Variants in DST observed in about 807,000 individuals in gnomAD.
DST encodes dystonin, also known as bullous pemphigoid antigen.
A neutral mutation model predicts 875.2 loss-of-function variants in DST; 253 were observed. The observed-to-expected ratio is 0.29, with a 90% CI of 0.26 to 0.32. The LOEUF is 0.32. DST is among the 10% of genes least tolerant of loss of function. DST has a pLI of 1.00. For missense variants in DST, 8,287 were observed against 9,111.6 expected, an observed-to-expected ratio of 0.91 and a Z score of 3.68; for synonymous variants, 3,124 against 3,197.1, an observed-to-expected ratio of 0.98 and a Z score of 0.77.
chr6:56,460,494 G>C (rs763648950), intron 102 of DST: 160 of 388,778 alleles, frequency 4.1e-4, no homozygotes, highest in Non-Finnish European at 6.7e-4. Context: ...TGGTTGAAGA[G>C]AAAACAAAAT....
intron 90 of DST, among the ~76,000 whole-genome samples, chr6:56,478,591 A>C (rs769566029): frequency 2.0e-5 from 3 of 152,214 alleles, no homozygotes; most frequent in Non-Finnish European, 4.4e-5. Flanking sequence ...GAACTCTGAA[A>C]ATGTGATTAC....
rs747511386 is a variant in DST at position 56,607,675 on chromosome 6, T to G, written c.6953A>C (p.Gln2318Pro). The change falls in exon 40 of 104, where the codon CAG becomes CCG. Residue 2318 changes from glutamine to proline, a missense_variant. By Grantham distance (76) the Gln-to-Pro change is moderately conservative (BLOSUM62 -1). Transcript: ENST00000680361. ...RNTVINSEFS[Q>P]SGKLASTISI... ...TATTGTACTTGCCAGTTTTCCTGAC[T>G]GAGAAAATTCACTATTGATAACAGT... is the stretch of plus-strand genomic sequence containing the variant. 1 of 1,613,520 alleles carries G rather than the reference T, an allele frequency of 6.2e-7. No homozygotes were observed. Among genetic ancestry groups the G allele is most frequent in the East Asian group, 2.2e-5 (1 of 44,860 alleles).
intron 68 of DST, 141 bp downstream of exon 68, chr6:56,527,352 G>T: frequency 9.6e-7 from 1 of 1,043,810 alleles, no homozygotes; most frequent in Non-Finnish European, 1.3e-6. Flanking sequence ...TTGATCTGCT[G>T]CCAATTTCTA....
intron 4 of DST, among the ~76,000 whole-genome samples, chr6:56,785,128 C>T (rs983253553): frequency 6.6e-6 from 1 of 152,220 alleles, no homozygotes. Flanking sequence ...AGGTGTCAGT[C>T]TGCCCCTACT....
intron 102 of DST, 109 bp downstream of exon 102, chr6:56,462,937 C>T (rs1358973892): frequency 1.7e-6 from 1 of 588,170 alleles, no homozygotes; most frequent in Non-Finnish European, 3.0e-6. Context: ...TATAAAAAGA[C>T]ATAGGGTTAG....
intron 3 of DST, among the ~76,000 whole-genome samples, chr6:56,868,518 A>G (rs1241842276): frequency 6.6e-6 from 1 of 152,234 alleles, no homozygotes; most frequent in Non-Finnish European, 1.5e-5. Flanking sequence ...CACATGTAAG[A>G]AAACAGAAAA....
chr6:56,720,269 G>C (rs1028798868), intron 5 of DST, among the ~76,000 whole-genome samples: 3 of 151,780 alleles, frequency 2.0e-5, no homozygotes, highest in Non-Finnish European at 2.9e-5. Context: ...AGAGAAATAG[G>C]CTCTGTTCCA....
In DST at chr6:56,603,704, C is replaced by T; in HGVS notation, c.10801G>A (p.Glu3601Lys). 3 of 1,593,202 alleles carry T rather than the reference C, an allele frequency of 1.9e-6. No individual in the cohort carries two copies. The highest frequency in any genetic ancestry group is 2.6e-6 in the Non-Finnish European group (3 of 1,173,232). ...GDSSTEQFSSELQQCLQHTEK... is the reference protein window; with the variant it reads ...GDSSTEQFSSKLQQCLQHTEK... Reference sequence around the variant, plus strand: ...GTGTGCTGTAAACACTGCTGTAATTCACTGGAAAACTAAAAACAAAGTTGG... The same window carrying T: ...GTGTGCTGTAAACACTGCTGTAATTTACTGGAAAACTAAAAACAAAGTTGG... The change falls in exon 41 of 104, where the codon GAA becomes AAA. Residue 3601 changes from glutamate to lysine, a missense_variant. By Grantham distance (56) the Glu-to-Lys change is moderately conservative. Transcript: ENST00000680361.
intron 47 of DST, among the ~76,000 whole-genome samples, chr6:56,596,043 A>AT (rs1356599362): frequency 6.6e-6 from 1 of 151,374 alleles, no homozygotes; most frequent in African/African-American, 2.4e-5. Context: ...TTATTTATTT[A>AT]TTTTGAGATG....
intron 3 of DST, among the ~76,000 whole-genome samples, chr6:56,873,494 T>A (rs1778287883): frequency 6.6e-6 from 1 of 151,918 alleles, no homozygotes; most frequent in Admixed American, 6.6e-5. Context: ...AAGGAAATTG[T>A]GAGATATATA....
chr6:56,601,777 G>T, intron 43 of DST, 101 bp from the exon 44 acceptor site: 1 of 717,542 alleles, frequency 1.4e-6, no homozygotes, highest in Non-Finnish European at 2.2e-6. Context: ...TCTCACATCA[G>T]GGAATGGAAG....
intron 9 of DST, among the ~76,000 whole-genome samples, chr6:56,691,191 A>G (rs2099226265): frequency 1.3e-5 from 2 of 152,228 alleles, no homozygotes; most frequent in African/African-American, 4.8e-5. Flanking sequence ...CATATGTGAA[A>G]TTAAACCAAG....
At chr6:56,884,492 A>G (rs1211689128) in intron 3 of DST, among the ~76,000 whole-genome samples, 4 of 152,186 alleles carry the variant, frequency 2.6e-5, no homozygotes, top group African/African-American at 9.7e-5. Context: ...GTATTTTTGT[A>G]TACTTTCATC....
intron 14 of DST, 33 bp downstream of exon 14, chr6:56,646,054 A>G: frequency 6.3e-7 from 1 of 1,577,382 alleles, no homozygotes; most frequent in East Asian, 2.3e-5. Flanking sequence ...AACAAAGACT[A>G]TGCTTGACAA....
chr6:56,475,104 C>A (rs1220627828), intron 92 of DST, among the ~76,000 whole-genome samples: 1 of 151,306 alleles, frequency 6.6e-6, no homozygotes, highest in Non-Finnish European at 1.5e-5. Context: ...AGTATACTAC[C>A]ATTGTATTTA....
intron 9 of DST, among the ~76,000 whole-genome samples, chr6:56,678,900 C>CT: frequency 6.6e-6 from 1 of 152,174 alleles, no homozygotes; most frequent in East Asian, 1.9e-4. Context: ...AAGTTTTTTT[C>CT]TTTTCTCTTG....
chr6:56,864,229 A>G (rs1360527096), intron 3 of DST, among the ~76,000 whole-genome samples: 2 of 152,220 alleles, frequency 1.3e-5, no homozygotes, highest in Non-Finnish European at 2.9e-5. Context: ...AGACTGCAAT[A>G]TCAGCTCTTT....
rs2094449115 is a variant in DST at position 56,463,773 on chromosome 6, T to TAC, written c.22760-11_22760-10dup. Reference sequence around the variant, plus strand: ...GTTTGTCCTTCCTTTGGCTGGGTTATACACACACAACAATGCACACAAAGA... The same window carrying TAC: ...GTTTGTCCTTCCTTTGGCTGGGTTATACACACACACAACAATGCACACAAAGA... On this transcript the variant is annotated splice_polypyrimidine_tract_variant and intron_variant, in intron 100 of 103. Coordinates refer to ENST00000680361, the MANE Select transcript of DST (RefSeq NM_001374736.1). 1 of 1,613,834 alleles carries TAC rather than the reference T, an allele frequency of 6.2e-7. No individual in the cohort carries two copies. Among genetic ancestry groups the TAC allele is most frequent in the African/African-American group, 1.3e-5 (1 of 75,034 alleles).
At position 56,607,035 on chromosome 6, in the gene DST, A is replaced by G. The variant is rs1359147164; in HGVS notation, c.7593T>C (p.Ser2531=). The change falls in exon 40 of 104, where the codon TCT becomes TCC. Residue 2531 remains serine (S), a synonymous_variant. Coordinates refer to ENST00000680361, the MANE Select transcript of DST (RefSeq NM_001374736.1). ...YHNDKYISNT[S]GEDEKTHPGF... is the part of the protein sequence containing the mutation. ...CTGGATGTGTTTTTTCATCCTCACC[A>G]GAAGTATTTGAAATGTATTTATCAT... 1.6e-5 allele frequency: 26 copies of G among 1,613,294 alleles called. No homozygotes were observed. The highest frequency in any genetic ancestry group is 2.2e-5 in the Non-Finnish European group (26 of 1,179,624).
Sources: gnomAD v4.1 joint callset for allele counts (sites outside exome capture counted in the v4.1 genomes callset) on GRCh38, gnomAD v4.1.1 for gene constraint, MANE v1.5 for transcripts, NCBI Gene and HGNC (gene_info 2026-07-23, HGNC 2026-07-21) for gene names.